GDA: variants seen among roughly 807,000 people sequenced by gnomAD.
GDA encodes the protein cytoplasmic PSD-95 interactor.
GDA carries 18 observed loss-of-function variants against 59.6 expected under a neutral mutation model. The observed-to-expected ratio is 0.30, with a 90% confidence interval of 0.21 to 0.45. The LOEUF is 0.45. Among genes scored for constraint, GDA ranks in the 20% least tolerant of loss-of-function variants. The pLI is 1.00. For missense variants in GDA, 427 were observed against 552.3 expected (o/e 0.77, Z 2.27); for synonymous variants, 201 against 201.1 (o/e 1.00, Z 0.00).
intron 1 of GDA, among the ~76,000 whole-genome samples, chr9:72,137,867 C>T (rs1236241888): frequency 2.0e-5 from 3 of 151,946 alleles, no homozygotes; most frequent in African/African-American, 7.3e-5. Flanking sequence ...GAGAGAAACA[C>T]GAAGGGTGGC....
At chr9:72,227,466 G>C (rs1837736487) in intron 8 of GDA, among the ~76,000 whole-genome samples, 1 of 152,172 alleles carries the variant, frequency 6.6e-6, no homozygotes, top group Non-Finnish European at 1.5e-5. Context: ...ACAGCGCTTT[G>C]CAGGATTACT....
intron 9 of GDA, chr9:72,228,389 T>C (rs1564137747): frequency 4.2e-6 from 1 of 238,628 alleles, no homozygotes; most frequent in South Asian, 5.6e-5. Flanking sequence ...CATTACTGTT[T>C]GTGCTGTAGT....
At chr9:72,206,808 A>T in intron 3 of GDA, among the ~76,000 whole-genome samples, 1 of 151,976 alleles carries the variant, frequency 6.6e-6, no homozygotes, top group East Asian at 1.9e-4. Flanking sequence ...TTTAACAATG[A>T]GCTTTGCTTT....
At chr9:72,219,708 A>C (rs948394187) in intron 6 of GDA, among the ~76,000 whole-genome samples, 1 of 152,226 alleles carries the variant, frequency 6.6e-6, no homozygotes, top group Middle Eastern at 3.2e-3. Flanking sequence ...TTATCTTAAA[A>C]TATTTAATTG....
Position 72,123,689 on chromosome 9 carries a change from G to A in GDA, c.-100+8856G>A, listed in dbSNP as rs1825755823. 3.3e-5 allele frequency among the ~76,000 whole-genome samples: 5 copies of A among 151,974 alleles called. No homozygotes were observed. In the Middle Eastern group the frequency reaches 0.014, roughly 414 times the overall value. On this transcript the variant is annotated intron_variant, in intron 1 of 13. Coordinates refer to the GDA transcript ENST00000545168. ...TTTAGTAGAGACAGGATTTCTCCATGTTGGTCAGGCTGGTCTCGAACTCTC... is the reference window on the plus strand; with the variant it reads ...TTTAGTAGAGACAGGATTTCTCCATATTGGTCAGGCTGGTCTCGAACTCTC...
At position 72,249,949 on chromosome 9, in the gene GDA, A is replaced by G. The variant is rs562377526; in HGVS notation, c.*1607A>G. On this transcript the variant is annotated 3_prime_UTR_variant, in exon 14 of 14. Transcript: ENST00000358399. ...AATAGAAATACTTTTAGATTTGATTATGTATACATGACACCTAAAGAGGGA... is the reference window on the plus strand; with the variant it reads ...AATAGAAATACTTTTAGATTTGATTGTGTATACATGACACCTAAAGAGGGA... 2.1e-6 allele frequency: 2 copies of G among 940,284 alleles called. No individual in the cohort carries two copies. The highest frequency in any genetic ancestry group is 1.2e-4 in the Admixed American group (2 of 16,230). The allele number at this position is 940,284 out of a possible 1,614,324, so 58.2% of individuals were successfully genotyped here. A position where few individuals can be genotyped will look rare whatever the true frequency, so the allele number is the denominator to read the frequency against.
chr9:72,195,048 T>A (rs1832988707), intron 1 of GDA, among the ~76,000 whole-genome samples: 1 of 152,206 alleles, frequency 6.6e-6, no homozygotes, highest in East Asian at 1.9e-4. Context: ...TTTTTGTATC[T>A]CTTCAGTGCC....
At chr9:72,234,655 A>G (rs961830737) in intron 10 of GDA, among the ~76,000 whole-genome samples, 1 of 152,220 alleles carries the variant, frequency 6.6e-6, no homozygotes, top group Non-Finnish European at 1.5e-5. Context: ...TTTGAAGGGT[A>G]AATCTTTTCT....
chr9:72,210,291 T>C (rs913794035), intron 3 of GDA, among the ~76,000 whole-genome samples: 26 of 152,236 alleles, frequency 1.7e-4, no homozygotes, highest in African/African-American at 6.0e-4. Flanking sequence ...GAGATAGATA[T>C]ATGTGATTAA....
intron 1 of GDA, among the ~76,000 whole-genome samples, chr9:72,150,092 T>C (rs1826994981): frequency 6.6e-6 from 1 of 152,044 alleles, no homozygotes; most frequent in African/African-American, 2.4e-5. Flanking sequence ...ATAAATGTGG[T>C]TGAATTTATT....
rs1840453184 is a variant in GDA at position 72,249,234 on chromosome 9, A to C, written c.*892A>C. 8.1e-6 allele frequency: 8 copies of C among 985,060 alleles called. No individual in the cohort carries two copies. The South Asian group carries it at 1.9e-4, about 23-fold the overall frequency. 61.0% of individuals were successfully genotyped at this position (985,060 alleles called of 1,614,324 possible). On this transcript the variant is annotated 3_prime_UTR_variant, in exon 14 of 14. Coordinates refer to ENST00000358399, the MANE Select transcript of GDA (RefSeq NM_004293.5). ...ACTGGAGTCTTCGTGAACTGGGGCA[A>C]ATGCTGGCATCCAGGAGCCGCCAAT...
intron 6 of GDA, among the ~76,000 whole-genome samples, chr9:72,222,018 T>G (rs1484139606): frequency 6.6e-6 from 1 of 152,174 alleles, no homozygotes; most frequent in Non-Finnish European, 1.5e-5. Context: ...CTACAGTGAG[T>G]GTATGTGTGC....
rs1194571463 is a variant in GDA, at chr9:72,249,843, A to T, written c.*1501A>T. The stretch of plus-strand genomic sequence containing the variant: ...AACTCCGTATTTACAGAACAAAAAA[A>T]CACAGTTCCCCCTCCTGTAGTATAA... On this transcript the variant is annotated 3_prime_UTR_variant, in exon 14 of 14. Transcript: ENST00000358399. The T allele has an allele frequency of 3.7e-5, 36 of 962,194 alleles. No homozygotes were observed. Among genetic ancestry groups the T allele is most frequent in the Non-Finnish European group, 4.3e-5 (35 of 808,958 alleles). The allele number at this position is 962,194 out of a possible 1,614,324, so 59.6% of individuals were successfully genotyped here. A position where few individuals can be genotyped will look rare whatever the true frequency, so the allele number is the denominator to read the frequency against.
At chr9:72,138,620 T>A (rs887038536) in intron 1 of GDA, among the ~76,000 whole-genome samples, 7 of 152,222 alleles carry the variant, frequency 4.6e-5, no homozygotes, top group Non-Finnish European at 8.8e-5. Context: ...CAGAGCCCCA[T>A]GATGGGTCGA....
At chr9:72,180,687 G>A (rs13292781) in intron 1 of GDA, among the ~76,000 whole-genome samples, 3,299 of 152,224 alleles carry the variant, frequency 0.022, 55 homozygotes, top group Middle Eastern at 0.041. Context: ...ATTTCACTCC[G>A]AGCTTGGTGT....
At chr9:72,153,619 G>A in intron 1 of GDA, among the ~76,000 whole-genome samples, 1 of 150,884 alleles carries the variant, frequency 6.6e-6, no homozygotes, top group South Asian at 2.1e-4. Flanking sequence ...AGAAAATGTG[G>A]CACATATACA....
At chr9:72,136,947 C>T (rs1488403803) in intron 1 of GDA, among the ~76,000 whole-genome samples, 2 of 152,106 alleles carry the variant, frequency 1.3e-5, no homozygotes, top group East Asian at 3.9e-4. Flanking sequence ...TGCACTCCAG[C>T]CTTGGTCCTT....
chr9:72,167,499 A>G (rs1564186673), intron 1 of GDA, among the ~76,000 whole-genome samples: 2 of 152,198 alleles, frequency 1.3e-5, no homozygotes, highest in African/African-American at 4.8e-5. Flanking sequence ...TTGAATTGTT[A>G]TCAGTTGAAA....
intron 2 of GDA, among the ~76,000 whole-genome samples, chr9:72,200,147 G>A (rs558587704): frequency 1.8e-4 from 27 of 151,908 alleles, no homozygotes; most frequent in Non-Finnish European, 3.4e-4. Flanking sequence ...ACAGGCGCCT[G>A]CCACCACGCC....
Sources: gnomAD v4.1 joint callset for allele counts (sites outside exome capture counted in the v4.1 genomes callset) on GRCh38, gnomAD v4.1.1 for gene constraint, MANE v1.5 for transcripts, NCBI Gene and HGNC (gene_info 2026-07-23, HGNC 2026-07-21) for gene names.